VSTM5: variants seen among roughly 807,000 people sequenced by gnomAD.
VSTM5 encodes V-set and transmembrane domain-containing protein 5.
In VSTM5, 21 loss-of-function variants were observed where a neutral mutation model predicts 20.3. That is an observed-to-expected ratio of 1.03 (90% CI 0.73 to 1.49). The LOEUF is 1.49. Ranked by LOEUF, VSTM5 falls within the 40% of genes most tolerant of loss-of-function variation. VSTM5 has a pLI of 0.00. For missense variants in VSTM5, 219 were observed against 250.0 expected, an observed-to-expected ratio of 0.88 and a Z score of 0.84; for synonymous variants, 100 against 102.5, an observed-to-expected ratio of 0.98 and a Z score of 0.14.
chr11:93,843,001 G>T (rs898174464), intron 1 of VSTM5, among the ~76,000 whole-genome samples: 3 of 152,042 alleles, frequency 2.0e-5, no homozygotes. Context: ...AGAGGCAGGA[G>T]AATCACTTGA....
At chr11:93,825,594 G>C (rs1310535694) in intron 1 of VSTM5, among the ~76,000 whole-genome samples, 1 of 152,100 alleles carries the variant, frequency 6.6e-6, no homozygotes, top group Non-Finnish European at 1.5e-5. Flanking sequence ...CGAACATAGG[G>C]TATCTTTCCA....
At chr11:93,849,799 G>A (rs1250681603) in intron 1 of VSTM5, among the ~76,000 whole-genome samples, 2 of 152,206 alleles carry the variant, frequency 1.3e-5, no homozygotes, top group African/African-American at 4.8e-5. Context: ...TTCCGGGTCC[G>A]GCCATCCAAA....
Position 93,820,575 on chromosome 11 carries a change from C to T in VSTM5, c.597G>A (p.Glu199=). 6.4e-7 allele frequency: 1 copy of T among 1,551,926 alleles called. No homozygotes were observed. Among genetic ancestry groups the T allele is most frequent in the Non-Finnish European group, 8.7e-7 (1 of 1,147,060 alleles). Residue 199 remains glutamate (E), a synonymous_variant, in exon 4 of 4, where the codon GAG becomes GAA. Transcript: ENST00000409977. The stretch of plus-strand genomic sequence containing the variant: ...CAGTCAGGCCCAGCCTTGGCTAACA[C>T]TCAACATCTTCCAGCTCAATCTCCT... ...TTEEIELEDV[E]C is the part of the protein sequence containing the mutation.
At chr11:93,821,501 A>G (rs933401739) in intron 1 of VSTM5, 178 bp from the exon 2 acceptor site, 3 of 635,458 alleles carry the variant, frequency 4.7e-6, no homozygotes, top group East Asian at 2.7e-5. Flanking sequence ...CTCCCTGGAG[A>G]TAGAGCTCTC....
rs1374347008 is a variant in VSTM5 at position 93,819,211 on chromosome 11, A to T, written c.*1358T>A. ...GACTTCTTAACCTTTGCATGGGTGA[A>T]TTTGCAACTGAGGACTAGGAACACA... On this transcript the variant is annotated 3_prime_UTR_variant, in exon 4 of 4. Transcript: ENST00000409977. The T allele has an allele frequency of 6.6e-6, 1 of 152,244 alleles. No individual in the cohort carries two copies. The highest frequency in any genetic ancestry group is 2.4e-5 in the African/African-American group (1 of 41,456). 9.4% of individuals were successfully genotyped at this position (152,244 alleles called of 1,614,324 possible).
chr11:93,826,488 C>A (rs1024530018), intron 1 of VSTM5, among the ~76,000 whole-genome samples: 1 of 151,946 alleles, frequency 6.6e-6, no homozygotes, highest in African/African-American at 2.4e-5. Flanking sequence ...AGCTCCACCT[C>A]CCGGGTTCGT....
At chr11:93,849,176 C>T (rs1305556562) in intron 1 of VSTM5, among the ~76,000 whole-genome samples, 1 of 152,208 alleles carries the variant, frequency 6.6e-6, no homozygotes, top group African/African-American at 2.4e-5. Context: ...GAGAAGGTCT[C>T]ATTCTGTTCC....
At chr11:93,840,240 A>T (rs1007797607) in intron 1 of VSTM5, among the ~76,000 whole-genome samples, 1 of 152,216 alleles carries the variant, frequency 6.6e-6, no homozygotes, top group African/African-American at 2.4e-5. Context: ...TGAATCAGCT[A>T]ATCTGTTGTT....
chr11:93,821,061 A>G lies in VSTM5; in HGVS notation c.354T>C (p.Tyr118=), dbSNP rs1407285123. 1 of 1,551,750 alleles carries G rather than the reference A, an allele frequency of 6.4e-7. No individual in the cohort carries two copies. The highest frequency in any genetic ancestry group is 8.7e-7 in the Non-Finnish European group (1 of 1,147,000). ...CCAGGCGCTCCGTCACGGTGATGAC[A>G]TAGTAGCCGGAATCCCTCACTCCCA... ...FSVGVRDSGY[Y]VITVTERLGS... The change falls in exon 2 of 4, where the codon TAT becomes TAC. Residue 118 remains tyrosine, a synonymous_variant. Transcript: ENST00000409977.
chr11:93,846,277 G>A (rs770934814), intron 1 of VSTM5, among the ~76,000 whole-genome samples: 13 of 152,160 alleles, frequency 8.5e-5, no homozygotes, highest in Non-Finnish European at 1.6e-4. Flanking sequence ...TGGGGATAAT[G>A]GAGAGGAGAG....
intron 1 of VSTM5, among the ~76,000 whole-genome samples, chr11:93,844,928 G>C (rs1337214819): frequency 1.4e-5 from 1 of 72,118 alleles, no homozygotes; most frequent in Non-Finnish European, 3.0e-5. Flanking sequence ...CAGCAAAGCA[G>C]CCTTGTCTTC....
chr11:93,822,593 G>C (rs550745249), intron 1 of VSTM5, among the ~76,000 whole-genome samples: 2 of 152,038 alleles, frequency 1.3e-5, no homozygotes, highest in African/African-American at 4.8e-5. Context: ...AGTGATTCTT[G>C]TGTCTCAGCT....
chr11:93,830,153 G>C (rs986649342), intron 1 of VSTM5, among the ~76,000 whole-genome samples: 1 of 152,170 alleles, frequency 6.6e-6, no homozygotes, highest in Non-Finnish European at 1.5e-5. Flanking sequence ...GGGGCAGGGT[G>C]GGGGCAGGGC....
At chr11:93,823,010 C>A (rs894760620) in intron 1 of VSTM5, among the ~76,000 whole-genome samples, 1 of 152,096 alleles carries the variant, frequency 6.6e-6, no homozygotes, top group African/African-American at 2.4e-5. Flanking sequence ...GGGAGACTAC[C>A]AGCCCTTTTC....
intron 1 of VSTM5, 49 bp downstream of exon 1, chr11:93,850,358 GCCCCC>G (rs1266216911): frequency 2.7e-6 from 4 of 1,463,428 alleles, no homozygotes; most frequent in Non-Finnish European, 3.7e-6. Flanking sequence ...CCCCGCCCGT[GCCCCC>G]CTACCCATTC....
Position 93,850,615 on chromosome 11 carries a change from A to G in VSTM5, c.-113T>C. On this transcript the variant is annotated 5_prime_UTR_variant, in exon 1 of 4. Transcript: ENST00000409977. ...TGGCTGCCGCAGGTTCTTTAGGGCC[A>G]GATGCAGATGAGCTGGTTGTACTCT... The G allele has an allele frequency of 3.4e-6, 1 of 297,656 alleles. No homozygotes were observed. Among genetic ancestry groups the G allele is most frequent in the Non-Finnish European group, 5.2e-6 (1 of 192,432 alleles). 18.4% of individuals were successfully genotyped at this position (297,656 alleles called of 1,614,324 possible). A position where few individuals can be genotyped will look rare whatever the true frequency, so the allele number is the denominator to read the frequency against.
intron 1 of VSTM5, among the ~76,000 whole-genome samples, chr11:93,832,329 ATAAAG>A (rs1464120144): frequency 6.6e-6 from 1 of 152,246 alleles, no homozygotes; most frequent in Non-Finnish European, 1.5e-5. Flanking sequence ...TTCCACTTAA[ATAAAG>A]TAATTATATG....
At chr11:93,821,521 A>T in intron 1 of VSTM5, 198 bp from the exon 2 acceptor site, 1 of 590,906 alleles carries the variant, frequency 1.7e-6, no homozygotes, top group Non-Finnish European at 3.0e-6. Context: ...CTACACACAG[A>T]GCAACCTTTT....
intron 1 of VSTM5, among the ~76,000 whole-genome samples, chr11:93,829,894 G>A (rs1171512300): frequency 3.3e-5 from 5 of 152,310 alleles, no homozygotes; most frequent in East Asian, 3.9e-4. Context: ...ATTCAAAACC[G>A]AGTACTTTTC....
Sources: gnomAD v4.1 joint callset for allele counts (sites outside exome capture counted in the v4.1 genomes callset) on GRCh38, gnomAD v4.1.1 for gene constraint, MANE v1.5 for transcripts, NCBI Gene and HGNC (gene_info 2026-07-23, HGNC 2026-07-21) for gene names.